NPAS3: variants seen among roughly 807,000 people sequenced by gnomAD.
The protein encoded by NPAS3 is neuronal PAS domain protein 3.
In NPAS3, 14 loss-of-function variants were observed where a neutral mutation model predicts 73.1. That is an observed-to-expected ratio of 0.19 (90% confidence interval 0.13 to 0.30). The LOEUF (loss-of-function observed/expected upper bound fraction) is 0.30, where lower values mean the gene tolerates loss of function less well. Among genes scored for constraint, NPAS3 ranks in the 10% least tolerant of loss-of-function variants. The pLI is 1.00. For synonymous variants in NPAS3, 620 were observed against 541.5 expected (o/e 1.14, Z -2.01); for missense variants, 1,096 against 1,250.0 (o/e 0.88, Z 1.86).
intron 4 of NPAS3, among the ~76,000 whole-genome samples, chr14:33,448,135 CT>C: frequency 6.6e-6 from 1 of 152,082 alleles, no homozygotes; most frequent in Admixed American, 6.5e-5. Flanking sequence ...ATTTGAAGTG[CT>C]TTTAAGACAT....
chr14:33,647,637 G>T (rs1409214475), intron 5 of NPAS3, among the ~76,000 whole-genome samples: 1 of 151,948 alleles, frequency 6.6e-6, no homozygotes, highest in Admixed American at 6.6e-5. Context: ...CTCTGACTCG[G>T]CATCACTTTG....
At chr14:33,174,590 C>T (rs896769746) in intron 2 of NPAS3, among the ~76,000 whole-genome samples, 6 of 152,178 alleles carry the variant, frequency 3.9e-5, no homozygotes, top group African/African-American at 1.2e-4. Context: ...AACGTCCTGA[C>T]GTTTTCACTC....
chr14:33,629,865 A>G (rs1046474300), intron 5 of NPAS3, among the ~76,000 whole-genome samples: 1 of 152,162 alleles, frequency 6.6e-6, no homozygotes, highest in Non-Finnish European at 1.5e-5. Context: ...GTGATGATAG[A>G]TAGCTCATGA....
chr14:33,230,638 G>A (rs2047814853), intron 3 of NPAS3, among the ~76,000 whole-genome samples: 1 of 152,180 alleles, frequency 6.6e-6, no homozygotes. Flanking sequence ...GTGACACGGA[G>A]CAGAGAAGAC....
intron 2 of NPAS3, among the ~76,000 whole-genome samples, chr14:33,096,117 A>G (rs2042411946): frequency 6.6e-6 from 1 of 151,236 alleles, no homozygotes; most frequent in African/African-American, 2.4e-5. Flanking sequence ...CTAATCTAAT[A>G]TCGTTAGGTT....
intron 3 of NPAS3, among the ~76,000 whole-genome samples, 170 bp from the exon 4 acceptor site, chr14:33,367,016 G>A (rs1285361901): frequency 1.3e-5 from 2 of 152,012 alleles, no homozygotes; most frequent in Non-Finnish European, 2.9e-5. Flanking sequence ...TTCAACCTAG[G>A]CTATGTTTAT....
At chr14:32,959,901 G>A (rs2036835805) in intron 1 of NPAS3, among the ~76,000 whole-genome samples, 1 of 151,830 alleles carries the variant, frequency 6.6e-6, no homozygotes, top group Non-Finnish European at 1.5e-5. Context: ...GGTAGCTTAT[G>A]TCAACTGGCA....
chr14:33,375,482 T>C (rs1458868878), intron 4 of NPAS3, among the ~76,000 whole-genome samples: 1 of 152,162 alleles, frequency 6.6e-6, no homozygotes, highest in African/African-American at 2.4e-5. Flanking sequence ...GTTGCACGGC[T>C]TTTAAGTTCA....
intron 4 of NPAS3, among the ~76,000 whole-genome samples, chr14:33,533,143 A>G (rs921758192): frequency 2.0e-5 from 3 of 152,170 alleles, no homozygotes; most frequent in Non-Finnish European, 4.4e-5. Context: ...TTCAGGTATT[A>G]TAAAAGACTG....
chr14:33,459,148 C>A (rs189789871), intron 4 of NPAS3, among the ~76,000 whole-genome samples: 2 of 152,238 alleles, frequency 1.3e-5, no homozygotes, highest in East Asian at 3.9e-4. Context: ...GTGAGGACGA[C>A]CAGAGGTCAC....
intron 2 of NPAS3, among the ~76,000 whole-genome samples, chr14:33,075,985 A>G (rs1370293214): frequency 6.6e-6 from 1 of 152,192 alleles, no homozygotes; most frequent in South Asian, 2.1e-4. Flanking sequence ...ACCCACTGAT[A>G]TCATAATACA....
At chr14:33,389,487 T>C (rs895145141) in intron 4 of NPAS3, among the ~76,000 whole-genome samples, 1 of 152,160 alleles carries the variant, frequency 6.6e-6, no homozygotes, top group South Asian at 2.1e-4. Context: ...TCCTAAGTGG[T>C]AGAACTAGAC....
intron 4 of NPAS3, among the ~76,000 whole-genome samples, chr14:33,533,926 G>T (rs768640253): frequency 6.6e-5 from 10 of 151,888 alleles, no homozygotes; most frequent in Non-Finnish European, 1.0e-4. Flanking sequence ...TATGACAAGT[G>T]AACAGGTATT....
At chr14:32,938,624 C>G (rs938155123), upstream of NPAS3, among the ~76,000 whole-genome samples, 1 of 151,728 alleles carries the variant, frequency 6.6e-6, no homozygotes, top group South Asian at 2.1e-4. Context: ...CTGGAACCCC[C>G]CGCGTGTCCT....
At chr14:33,012,567 T>A (rs1466351983) in intron 1 of NPAS3, among the ~76,000 whole-genome samples, 1 of 151,784 alleles carries the variant, frequency 6.6e-6, no homozygotes, top group Non-Finnish European at 1.5e-5. Context: ...TTTTTTTTTT[T>A]AGATGGAGTC....
chr14:33,086,799 A>G (rs906763575), intron 2 of NPAS3, among the ~76,000 whole-genome samples: 1 of 152,158 alleles, frequency 6.6e-6, no homozygotes, highest in African/African-American at 2.4e-5. Context: ...CCTAGTGAGT[A>G]GAGACATTCA....
downstream of NPAS3, chr14:33,804,138 T>G (rs555261670): frequency 6.6e-6 from 1 of 152,216 alleles, no homozygotes; most frequent in African/African-American, 2.4e-5. Context: ...CATCCGCAGG[T>G]GCCATTTTCA....
At chr14:33,460,358 C>T (rs2050206636) in intron 4 of NPAS3, among the ~76,000 whole-genome samples, 1 of 152,142 alleles carries the variant, frequency 6.6e-6, no homozygotes, top group African/African-American at 2.4e-5. Flanking sequence ...TTGAAGTAGG[C>T]TGGCTACCAA....
chr14:33,470,964 G>C (rs1203078875), intron 4 of NPAS3, among the ~76,000 whole-genome samples: 1 of 150,006 alleles, frequency 6.7e-6, no homozygotes, highest in Non-Finnish European at 1.5e-5. Context: ...TTCTCTTTAT[G>C]AAGTGGATAC....
Sources: allele counts gnomAD v4.1 joint callset (sites outside exome capture counted in the v4.1 genomes callset), GRCh38; gene constraint gnomAD v4.1.1; transcripts MANE v1.5; gene names NCBI Gene and HGNC (gene_info 2026-07-23, HGNC 2026-07-21).